The following CC2D2A variants were observed in gnomAD, a reference collection of about 807,000 sequenced individuals.
CC2D2A encodes the protein coiled-coil and C2 domain-containing protein 2A.
In CC2D2A, 155 loss-of-function variants were observed where a neutral mutation model predicts 212.9. The ratio of observed to expected loss-of-function variants is 0.73; its 90% confidence interval spans 0.64 to 0.83. The LOEUF is 0.83. CC2D2A is among the 40% of genes least tolerant of loss of function. The pLI is 0.00. For missense variants in CC2D2A, 1,856 were observed against 1,956.2 expected (o/e 0.95, Z 0.97); for synonymous variants, 667 against 686.5 (o/e 0.97, Z 0.44).
intron 3 of CC2D2A, 53 bp downstream of exon 3, chr4:15,478,859 C>T (rs1224808627): frequency 7.3e-7 from 1 of 1,376,998 alleles, no homozygotes; most frequent in African/African-American, 1.4e-5. Flanking sequence ...CAACAACCCG[C>T]CTGCATCCCC....
At chr4:15,490,726 G>T (rs974966235) in intron 4 of CC2D2A, among the ~76,000 whole-genome samples, 1 of 151,962 alleles carries the variant, frequency 6.6e-6, no homozygotes, top group Admixed American at 6.6e-5. Flanking sequence ...CGCCTCTAAG[G>T]AAAGAAAAAG....
intron 21 of CC2D2A, among the ~76,000 whole-genome samples, chr4:15,558,950 C>T (rs576907744): frequency 2.0e-4 from 30 of 152,294 alleles, no homozygotes; most frequent in African/African-American, 6.5e-4. Flanking sequence ...AACTACTATA[C>T]AGAATTCTCT....
At chr4:15,557,754 T>C (rs189399927) in intron 21 of CC2D2A, among the ~76,000 whole-genome samples, 6 of 152,336 alleles carry the variant, frequency 3.9e-5, no homozygotes, top group Admixed American at 1.3e-4. Flanking sequence ...CTGAACTGCA[T>C]ACAATTAGAA....
chr4:15,548,057 A>C (rs1718800472), intron 17 of CC2D2A, among the ~76,000 whole-genome samples: 1 of 152,120 alleles, frequency 6.6e-6, no homozygotes, highest in African/African-American at 2.4e-5. Context: ...ATAAAAAATA[A>C]AAATAAATAA....
chr4:15,488,845 C>A (rs566048496), intron 4 of CC2D2A, among the ~76,000 whole-genome samples: 1 of 152,362 alleles, frequency 6.6e-6, no homozygotes, highest in Middle Eastern at 3.4e-3. Flanking sequence ...CCTAATGAAC[C>A]GCACCAGAAA....
rs1488831355 is a variant in CC2D2A at position 15,477,697 on chromosome 4, T to C, written c.40-1026T>C. Among the ~76,000 whole-genome samples the C allele has an allele frequency of 2.0e-5, 3 of 152,302 alleles. No homozygotes were observed. The East Asian group carries it at 5.8e-4, about 29-fold the overall frequency. ...CCAAAGAAGGAGTCCAGAGTGAGGA[T>C]GCAGCTCAGAGGACAAGTCAGAGAT... On this transcript the variant is annotated intron_variant, in intron 2 of 36. Transcript: ENST00000424120.
intron 32 of CC2D2A, 144 bp from the exon 33 acceptor site, chr4:15,589,401 G>C: frequency 2.6e-6 from 2 of 779,470 alleles, no homozygotes; most frequent in East Asian, 2.7e-5. Flanking sequence ...GCATAACCTA[G>C]AACTTCAAAG....
At position 15,557,348 on chromosome 4, in the gene CC2D2A, G is replaced by C. The variant is rs149118282; in HGVS notation, c.2670G>C (p.Leu890=). The part of the protein sequence containing the change: ...GESYVPDFFR[L]EQLQQEFNFV... ...CCTATGTCCCTGATTTCTTTAGACT[G>C]GAGCAGCTGCAACAGGAGTTTAACT... Residue 890 remains leucine, a synonymous_variant, in exon 21 of 37, where the codon CTG becomes CTC. Transcript: ENST00000424120. 6.2e-7 allele frequency: 1 copy of C among 1,613,666 alleles called. No homozygotes were observed. Among genetic ancestry groups the C allele is most frequent in the African/African-American group, 1.3e-5 (1 of 75,004 alleles).
In CC2D2A at chr4:15,557,286, A is replaced by G. The variant is rs202145851; in HGVS notation, c.2626-18A>G. On this transcript the variant is annotated intron_variant, in intron 20 of 36. Coordinates refer to ENST00000424120, the MANE Select transcript of CC2D2A (RefSeq NM_001378615.1). ...ATCTGACTGTCATCTGGAGTTTTGCATTTTCCGTTTTTTATAGGTTGCTAC... is the reference window on the plus strand; with the variant it reads ...ATCTGACTGTCATCTGGAGTTTTGCGTTTTCCGTTTTTTATAGGTTGCTAC... 8.2e-6 allele frequency: 13 copies of G among 1,587,324 alleles called. No homozygotes were observed. The highest frequency in any genetic ancestry group is 9.5e-6 in the Non-Finnish European group (11 of 1,162,848).
intron 4 of CC2D2A, among the ~76,000 whole-genome samples, chr4:15,489,549 G>A (rs1387006373): frequency 6.6e-6 from 1 of 152,086 alleles, no homozygotes; most frequent in African/African-American, 2.4e-5. Flanking sequence ...CAATTAATCT[G>A]TACTCAAAGC....
intron 6 of CC2D2A, among the ~76,000 whole-genome samples, chr4:15,507,589 A>T (rs1441701972): frequency 6.6e-6 from 1 of 152,240 alleles, no homozygotes; most frequent in Non-Finnish European, 1.5e-5. Flanking sequence ...AAGTTCACTG[A>T]AAATCAGCTG....
At chr4:15,583,988 A>T (rs1720759689) in intron 30 of CC2D2A, among the ~76,000 whole-genome samples, 1 of 151,708 alleles carries the variant, frequency 6.6e-6, no homozygotes, top group Non-Finnish European at 1.5e-5. Flanking sequence ...AATTACAAAC[A>T]CTGATGAAAG....
chr4:15,486,586 T>C (rs950027782), intron 4 of CC2D2A, among the ~76,000 whole-genome samples: 4 of 152,012 alleles, frequency 2.6e-5, no homozygotes, highest in African/African-American at 4.8e-5. Context: ...CAATTTTGTT[T>C]ATCTTTTCAA....
intron 4 of CC2D2A, among the ~76,000 whole-genome samples, chr4:15,501,300 TA>T (rs1445337825): frequency 6.6e-6 from 1 of 152,148 alleles, no homozygotes. Context: ...TGGCCTGTCT[TA>T]CTTACTCACA....
At chr4:15,476,523 G>A (rs1560386594) in intron 2 of CC2D2A, among the ~76,000 whole-genome samples, 1 of 152,228 alleles carries the variant, frequency 6.6e-6, no homozygotes, top group Non-Finnish European at 1.5e-5. Context: ...TGGTGGAGAA[G>A]GGGAGGTGGA....
At chr4:15,524,171 T>G (rs1577347075) in intron 11 of CC2D2A, among the ~76,000 whole-genome samples, 1 of 152,172 alleles carries the variant, frequency 6.6e-6, no homozygotes, top group East Asian at 1.9e-4. Context: ...CCTCGCTCTG[T>G]TGCCCAGGCT....
intron 30 of CC2D2A, among the ~76,000 whole-genome samples, chr4:15,585,650 G>A (rs533067604): frequency 1.3e-5 from 2 of 152,224 alleles, no homozygotes; most frequent in Middle Eastern, 3.4e-3. Context: ...TATTATCACC[G>A]CAAAGAAATG....
chr4:15,469,937 G>A lies in CC2D2A; in HGVS notation c.-139G>A, dbSNP rs1255923066. 6.6e-6 allele frequency: 1 copy of A among 151,990 alleles called. No individual in the cohort carries two copies. The highest frequency in any genetic ancestry group is 1.5e-5 in the Non-Finnish European group (1 of 68,006). The allele number at this position is 151,990 out of a possible 1,614,324, so 9.4% of individuals were successfully genotyped here. Reference sequence around the variant, plus strand: ...GCAGCTTCCCAGGGAGGAGCCCAGGGGCATCTCCAACACTCAGCCTTTCCC... The same window carrying A: ...GCAGCTTCCCAGGGAGGAGCCCAGGAGCATCTCCAACACTCAGCCTTTCCC... On this transcript the variant is annotated 5_prime_UTR_variant, in exon 1 of 37. Coordinates refer to ENST00000424120, the MANE Select transcript of CC2D2A (RefSeq NM_001378615.1).
intron 36 of CC2D2A, 22 bp downstream of exon 36, chr4:15,599,728 AACTG>A: frequency 6.4e-7 from 1 of 1,556,846 alleles, no homozygotes; most frequent in Non-Finnish European, 8.8e-7. Context: ...ATGGATCCTA[AACTG>A]ACTGTGGATT....
Sources: gnomAD v4.1 joint callset for allele counts (sites outside exome capture counted in the v4.1 genomes callset) on GRCh38, gnomAD v4.1.1 for gene constraint, MANE v1.5 for transcripts, NCBI Gene and HGNC (gene_info 2026-07-23, HGNC 2026-07-21) for gene names.